The following SPMAP2L variants were observed in gnomAD, a reference collection of about 807,000 sequenced individuals.
The protein encoded by SPMAP2L is sperm microtubule associated protein 2-like.
the SPMAP2L span, among the ~76,000 whole-genome samples, chr4:56,616,720 C>T: frequency 8.5e-5 from 13 of 152,306 alleles, no homozygotes; most frequent in South Asian, 2.5e-3. Flanking sequence ...CGGGGGCTTT[C>T]TAACTTCAGA....
chr4:56,555,755 G>A, the SPMAP2L span, among the ~76,000 whole-genome samples: 20 of 94,814 alleles, frequency 2.1e-4, no homozygotes, highest in Admixed American at 1.3e-3. Context: ...TTCAAATTCC[G>A]ATTGTTCTTT....
the SPMAP2L span, chr4:56,575,642 G>C: frequency 3.3e-6 from 5 of 1,534,502 alleles, no homozygotes; most frequent in Admixed American, 2.0e-5. Flanking sequence ...CTACTAAATA[G>C]GTAGAGTATC....
the SPMAP2L span, chr4:56,595,336 A>G: frequency 1.1e-5 from 18 of 1,609,438 alleles, no homozygotes; most frequent in Non-Finnish European, 1.4e-5. Context: ...TCACGCCCCT[A>G]TCATGCCCTG....
At chr4:56,531,406 C>T in the SPMAP2L span, among the ~76,000 whole-genome samples, 62 of 152,322 alleles carry the variant, frequency 4.1e-4, no homozygotes, top group Middle Eastern at 3.4e-3. Context: ...GAAGCTGAAT[C>T]TCTTGTCTTC....
the SPMAP2L span, among the ~76,000 whole-genome samples, chr4:56,604,706 T>G: frequency 1.3e-5 from 2 of 151,348 alleles, no homozygotes; most frequent in Admixed American, 1.3e-4. Flanking sequence ...GTGTTTCACA[T>G]GTTTAAAGCA....
chr4:56,600,865 A>G, the SPMAP2L span: 1 of 1,404,210 alleles, frequency 7.1e-7, no homozygotes, highest in African/African-American at 1.4e-5. Flanking sequence ...TTAAGTAGGG[A>G]TATAGCTATA....
the SPMAP2L span, among the ~76,000 whole-genome samples, chr4:56,564,598 G>C: frequency 2.6e-5 from 4 of 151,928 alleles, no homozygotes; most frequent in East Asian, 7.7e-4. Flanking sequence ...TGTCATTCTG[G>C]CTAGAGATCT....
At chr4:56,569,796 CA>C in the SPMAP2L span, among the ~76,000 whole-genome samples, 11 of 150,524 alleles carry the variant, frequency 7.3e-5, no homozygotes, top group South Asian at 2.1e-4. Context: ...GACCCTGTCT[CA>C]AAAAAAAAGT....
chr4:56,537,920 C>T, the SPMAP2L span, among the ~76,000 whole-genome samples: 1 of 152,068 alleles, frequency 6.6e-6, no homozygotes, highest in Non-Finnish European at 1.5e-5. Context: ...GTCTTGATCT[C>T]CTGACCTTGT....
At chr4:56,531,100 G>A in the SPMAP2L span, 2 of 1,535,496 alleles carry the variant, frequency 1.3e-6, no homozygotes, top group Non-Finnish European at 1.7e-6. Flanking sequence ...GCTTCCCAGC[G>A]CCGCAGTAAT....
chr4:56,594,997 CCCAATCA>C, the SPMAP2L span: 2 of 1,606,252 alleles, frequency 1.2e-6, no homozygotes, highest in South Asian at 1.1e-5. Context: ...CCCGTTTTTG[CCCAATCA>C]TCCCATCATT....
chr4:56,603,438 CA>C, the SPMAP2L span: 3 of 639,678 alleles, frequency 4.7e-6, no homozygotes, highest in East Asian at 8.5e-5. Context: ...TCCCCTCCCA[CA>C]AAATGAGACC....
At chr4:56,556,265 C>T in the SPMAP2L span, among the ~76,000 whole-genome samples, 28 of 152,186 alleles carry the variant, frequency 1.8e-4, no homozygotes, top group Admixed American at 2.0e-4. Context: ...ACACATTGGC[C>T]TTAAGGGTTG....
chr4:56,587,265 CATTGATTGATTG>C, the SPMAP2L span, among the ~76,000 whole-genome samples: 3 of 150,798 alleles, frequency 2.0e-5, no homozygotes, highest in African/African-American at 4.9e-5. Context: ...TTCCTTGGTC[CATTGATTGATTG>C]ATTGATTGAT....
the SPMAP2L span, among the ~76,000 whole-genome samples, chr4:56,535,768 C>T: frequency 6.6e-6 from 1 of 152,136 alleles, no homozygotes; most frequent in South Asian, 2.1e-4. Flanking sequence ...CACAGAAGTC[C>T]CTTAGAACAT....
the SPMAP2L span, among the ~76,000 whole-genome samples, chr4:56,565,305 C>T: frequency 1.3e-5 from 2 of 152,136 alleles, no homozygotes; most frequent in Non-Finnish European, 2.9e-5. Flanking sequence ...TCTATTTCTC[C>T]TTGCAATTCT....
chr4:56,621,644 T>C, the SPMAP2L span, among the ~76,000 whole-genome samples: 3 of 152,228 alleles, frequency 2.0e-5, no homozygotes, highest in Non-Finnish European at 4.4e-5. Flanking sequence ...GAAAATAATA[T>C]GCACAGTTAT....
the SPMAP2L span, among the ~76,000 whole-genome samples, chr4:56,550,330 G>T: frequency 5.3e-5 from 8 of 151,874 alleles, no homozygotes; most frequent in East Asian, 1.5e-3. Flanking sequence ...CCTTATTCAG[G>T]CAGCAAATAC....
chr4:56,602,368 A>T, the SPMAP2L span, among the ~76,000 whole-genome samples: 1 of 152,200 alleles, frequency 6.6e-6, no homozygotes, highest in Non-Finnish European at 1.5e-5. Context: ...TAAATTTGCC[A>T]TCAGATGAAA....
Sources: gnomAD v4.1 joint callset for allele counts (sites outside exome capture counted in the v4.1 genomes callset) on GRCh38, gnomAD v4.1.1 for gene constraint, MANE v1.5 for transcripts, NCBI Gene and HGNC (gene_info 2026-07-23, HGNC 2026-07-21) for gene names.